Variants in SLC39A11 observed in about 807,000 individuals in gnomAD.
The protein encoded by SLC39A11 is zinc transporter ZIP11.
A neutral mutation model predicts 36.1 loss-of-function variants in SLC39A11; 33 were observed. The observed-to-expected ratio is 0.91, with a 90% CI of 0.69 to 1.22. The LOEUF is 1.22. Ranked by LOEUF, SLC39A11 falls within the 50% of genes most tolerant of loss-of-function variation. The pLI is 0.00. For synonymous variants in SLC39A11, 166 were observed against 170.3 expected, an observed-to-expected ratio of 0.97 and a Z score of 0.20; for missense variants, 432 against 430.3, an observed-to-expected ratio of 1.00 and a Z score of -0.03.
At chr17:72,996,355 G>C (rs148705929) in intron 4 of SLC39A11, among the ~76,000 whole-genome samples, 165 of 152,194 alleles carry the variant, frequency 1.1e-3, no homozygotes, top group African/African-American at 3.9e-3. Context: ...CTACTTTATT[G>C]GTTTTCTAGG....
intron 6 of SLC39A11, among the ~76,000 whole-genome samples, chr17:72,845,585 CT>C (rs2079012448): frequency 6.6e-6 from 1 of 152,214 alleles, no homozygotes; most frequent in African/African-American, 2.4e-5. Context: ...TTTTAAATCA[CT>C]AACCACCTTC....
At chr17:72,844,249 C>G (rs1165672627) in intron 6 of SLC39A11, among the ~76,000 whole-genome samples, 2 of 152,184 alleles carry the variant, frequency 1.3e-5, no homozygotes, top group Non-Finnish European at 2.9e-5. Flanking sequence ...AGGGAGTTCA[C>G]TTCTCTTTAG....
chr17:72,693,380 G>A (rs1027926832), intron 7 of SLC39A11, among the ~76,000 whole-genome samples: 3 of 152,206 alleles, frequency 2.0e-5, no homozygotes, highest in South Asian at 2.1e-4. Flanking sequence ...CAAAACAGAT[G>A]TTCAGACTGG....
chr17:72,768,528 C>T (rs535171895), intron 6 of SLC39A11, among the ~76,000 whole-genome samples: 39 of 152,288 alleles, frequency 2.6e-4, no homozygotes, highest in African/African-American at 9.1e-4. Context: ...ACCCAAGCAA[C>T]CATCCCATGA....
At chr17:72,951,695 T>C (rs541472734) in intron 4 of SLC39A11, among the ~76,000 whole-genome samples, 188 of 152,244 alleles carry the variant, frequency 1.2e-3, no homozygotes, top group Admixed American at 2.9e-3. Context: ...AACCAGAACC[T>C]AGCCCATATA....
rs556975373 is a variant in SLC39A11, at chr17:72,759,254, CA to C, written c.602-22536del. Among the ~76,000 whole-genome samples the C allele has an allele frequency of 4.5e-3, 660 of 147,926 alleles. 6 individuals carry two copies. Among genetic ancestry groups the C allele is most frequent in the African/African-American group, 0.015 (623 of 40,256 alleles). Reference sequence around the variant, plus strand: ...CCAAATAAATGTTTTTTTGTGGAGCCAAAAAAAAATCAAGGAGAGGTCATTA... The same window carrying C: ...CCAAATAAATGTTTTTTTGTGGAGCCAAAAAAAATCAAGGAGAGGTCATTA... On this transcript the variant is annotated intron_variant, in intron 6 of 9. Transcript: ENST00000255559.
chr17:73,081,140 C>T (rs2060496729), intron 3 of SLC39A11, among the ~76,000 whole-genome samples: 1 of 151,916 alleles, frequency 6.6e-6, no homozygotes, highest in Non-Finnish European at 1.5e-5. Flanking sequence ...AACAAACAAT[C>T]CCATCAACAA....
chr17:73,074,257 G>A (rs746373305), intron 3 of SLC39A11, among the ~76,000 whole-genome samples: 2 of 151,360 alleles, frequency 1.3e-5, no homozygotes, highest in African/African-American at 4.9e-5. Flanking sequence ...ACCTTTCCAG[G>A]GGCCCTCCTG....
chr17:72,835,007 G>A (rs140405541), intron 6 of SLC39A11, among the ~76,000 whole-genome samples: 89 of 152,322 alleles, frequency 5.8e-4, no homozygotes, highest in Admixed American at 1.8e-3. Flanking sequence ...TTGGGATCAC[G>A]GAGGATTCCC....
intron 3 of SLC39A11, among the ~76,000 whole-genome samples, chr17:73,061,020 G>A (rs1442674267): frequency 6.6e-6 from 1 of 152,206 alleles, no homozygotes. Context: ...ATTCTGACAA[G>A]TACAGGTTTG....
intron 5 of SLC39A11, among the ~76,000 whole-genome samples, chr17:72,870,864 A>G (rs2080576225): frequency 6.6e-6 from 1 of 152,198 alleles, no homozygotes; most frequent in Non-Finnish European, 1.5e-5. Flanking sequence ...CTGCAGGTGG[A>G]GAGGTATGAT....
intron 4 of SLC39A11, among the ~76,000 whole-genome samples, chr17:72,968,887 A>G (rs2087218018): frequency 6.6e-6 from 1 of 152,100 alleles, no homozygotes; most frequent in South Asian, 2.1e-4. Flanking sequence ...TAATTTCCCA[A>G]GCCAATGTCA....
intron 5 of SLC39A11, among the ~76,000 whole-genome samples, chr17:72,859,705 G>A (rs978963711): frequency 6.6e-6 from 1 of 150,836 alleles, no homozygotes; most frequent in Non-Finnish European, 1.5e-5. Flanking sequence ...GATTCCACTG[G>A]AGACCAAGAA....
intron 6 of SLC39A11, among the ~76,000 whole-genome samples, chr17:72,758,373 TC>T (rs1256638446): frequency 1.3e-5 from 2 of 152,212 alleles, no homozygotes; most frequent in African/African-American, 2.4e-5. Context: ...CTCTGGCAGT[TC>T]CCCTATTCAA....
rs1414657121 is a variant in SLC39A11, at chr17:72,942,058, A to AT, written c.430+5693dup. 7.3e-4 allele frequency among the ~76,000 whole-genome samples: 74 copies of AT among 101,070 alleles called. No individual in the cohort carries two copies. In the East Asian group the frequency reaches 0.016, roughly 21 times the overall value. 66.3% of individuals were successfully genotyped at this position (101,070 alleles called of 152,430 possible). A position where few individuals can be genotyped will look rare whatever the true frequency, so the allele number is the denominator to read the frequency against. The stretch of plus-strand genomic sequence containing the variant: ...ACCACGCCTGGCTAATTTTTGTATT[A>AT]TTATTATTTTTTTTTTAGTAGAGAC... On this transcript the variant is annotated intron_variant, in intron 5 of 9. Transcript: ENST00000255559.
At chr17:73,068,840 G>T (rs531308280) in intron 3 of SLC39A11, among the ~76,000 whole-genome samples, 1 of 152,164 alleles carries the variant, frequency 6.6e-6, no homozygotes, top group African/African-American at 2.4e-5. Context: ...CTGTGCACAC[G>T]CATGGCCAGT....
chr17:72,725,890 C>T (rs894775330), intron 7 of SLC39A11, among the ~76,000 whole-genome samples: 1 of 152,174 alleles, frequency 6.6e-6, no homozygotes, highest in African/African-American at 2.4e-5. Context: ...AAGAATAGAA[C>T]AGGATTGTGC....
intron 5 of SLC39A11, among the ~76,000 whole-genome samples, chr17:72,881,182 T>C (rs1355458798): frequency 6.6e-6 from 1 of 152,118 alleles, no homozygotes; most frequent in Non-Finnish European, 1.5e-5. Context: ...AATGACATCA[T>C]ATGTCCACAC....
At chr17:72,953,380 AG>A (rs796360225) in intron 4 of SLC39A11, among the ~76,000 whole-genome samples, 36 of 152,326 alleles carry the variant, frequency 2.4e-4, no homozygotes, top group African/African-American at 8.7e-4. Flanking sequence ...AATAATGTGA[AG>A]GAGGTGAGGG....
Sources: gnomAD v4.1 joint callset for allele counts (sites outside exome capture counted in the v4.1 genomes callset) on GRCh38, gnomAD v4.1.1 for gene constraint, MANE v1.5 for transcripts, NCBI Gene and HGNC (gene_info 2026-07-23, HGNC 2026-07-21) for gene names.